FARP2: variants seen among roughly 807,000 people sequenced by gnomAD.
FARP2 encodes FERM, ARHGEF and pleckstrin domain-containing protein 2.
FARP2 carries 111 observed loss-of-function variants against 130.5 expected under a neutral mutation model. The ratio of observed to expected loss-of-function variants is 0.85; its 90% CI spans 0.73 to 1.00. FARP2 has a LOEUF of 1.00. Among genes scored for constraint, FARP2 ranks in the 50% least tolerant of loss-of-function variants. The pLI is 0.00. For missense variants in FARP2, 1,385 were observed against 1,346.3 expected (o/e 1.03, Z -0.45); for synonymous variants, 504 against 516.9 (o/e 0.98, Z 0.34).
At chr2:241,366,133 A>ATACG (rs2061313783) in intron 1 of FARP2, among the ~76,000 whole-genome samples, 2 of 136,672 alleles carry the variant, frequency 1.5e-5, no homozygotes, top group African/African-American at 2.8e-5. Context: ...GTATATATAT[A>ATACG]TATATACACA....
Position 241,482,635 on chromosome 2 carries a change from C to T in FARP2, c.2263-830C>T, listed in dbSNP as rs529229898. On this transcript the variant is annotated intron_variant, in intron 19 of 26. Transcript: ENST00000264042. This position sits in a 1 kb window ranked among gnomAD's most constrained non-coding sequence, Gnocchi z 4.6. ...TTTCTGTTTGGGCTGGTTTTTCATC[C>T]TGCGTTTCTGTGAGGATTATCTGTG... is the stretch of plus-strand genomic sequence containing the variant. Among the ~76,000 whole-genome samples the T allele has an allele frequency of 6.6e-6, 1 of 152,264 alleles. No individual in the cohort carries two copies. Among genetic ancestry groups the T allele is most frequent in the African/African-American group, 2.4e-5 (1 of 41,558 alleles).
intron 6 of FARP2, 23 bp from the exon 7 acceptor site, chr2:241,413,284 T>C: frequency 7.0e-7 from 1 of 1,422,338 alleles, no homozygotes; most frequent in African/African-American, 1.4e-5. Context: ...AAAAATTAGT[T>C]ACTTACTTTT....
Position 241,487,568 on chromosome 2 carries a change from T to C in FARP2, c.2422-2394T>C, listed in dbSNP as rs372014057. On this transcript the variant is annotated intron_variant, in intron 21 of 26. Coordinates refer to ENST00000264042, the MANE Select transcript of FARP2 (RefSeq NM_014808.4). ...CTGTAGTCCCAACTACTCGGGAGGC[T>C]AAGCACAAGAATCACTTGAACCTGG... Among the ~76,000 whole-genome samples, 46 of 105,204 alleles carry C rather than the reference T, an allele frequency of 4.4e-4. No homozygotes were observed. In the East Asian group the frequency reaches 5.1e-3, roughly 12 times the overall value. 69.0% of individuals were successfully genotyped at this position (105,204 alleles called of 152,430 possible).
In FARP2 at chr2:241,411,740, C is replaced by G. The variant is rs115986939; in HGVS notation, c.508+610C>G. On this transcript the variant is annotated intron_variant, in intron 6 of 26. Transcript: ENST00000264042. ...AGGTGGGACCACAGCTAGCACAGAA[C>G]TAATGTTTCTGAAATTTGAATCCAG... Among the ~76,000 whole-genome samples, 719 of 152,286 alleles carry G rather than the reference C, an allele frequency of 4.7e-3. 5 individuals are homozygous for G. Among genetic ancestry groups the G allele is most frequent in the African/African-American group, 0.016 (674 of 41,556 alleles).
intron 6 of FARP2, 124 bp from the exon 7 acceptor site, chr2:241,413,183 T>A: frequency 1.7e-6 from 1 of 604,268 alleles, no homozygotes; most frequent in Admixed American, 3.0e-5. Flanking sequence ...TCTTGCTTTT[T>A]TAGGGATATA....
At chr2:241,434,011 G>C in intron 9 of FARP2, 147 bp from the exon 10 acceptor site, 1 of 622,642 alleles carries the variant, frequency 1.6e-6, no homozygotes, top group Non-Finnish European at 2.7e-6. Flanking sequence ...ACTCCAGCCT[G>C]GGCACAGAGC....
At chr2:241,404,544 A>C (rs1433650171) in intron 3 of FARP2, among the ~76,000 whole-genome samples, 1 of 152,246 alleles carries the variant, frequency 6.6e-6, no homozygotes, top group Non-Finnish European at 1.5e-5. Context: ...CATTCTGCGC[A>C]TAGCAGCAAC....
chr2:241,366,122 C>T (rs13022462), intron 1 of FARP2, among the ~76,000 whole-genome samples: 1 of 63,726 alleles, frequency 1.6e-5, no homozygotes, highest in Non-Finnish European at 3.2e-5. Context: ...TATATATATA[C>T]GTATATATAT....
intron 14 of FARP2, among the ~76,000 whole-genome samples, chr2:241,458,980 G>A (rs2063941253): frequency 6.6e-6 from 1 of 152,244 alleles, no homozygotes; most frequent in Non-Finnish European, 1.5e-5. Context: ...GGCAGCCCTT[G>A]GGCCCAGCCC....
Position 241,436,468 on chromosome 2 carries a change from C to G in FARP2, c.1101-13C>G. 1 of 1,614,038 alleles carries G rather than the reference C, an allele frequency of 6.2e-7. No individual in the cohort carries two copies. ...AGGGCTTGGTTTCTCACAGCTCGTC[C>G]TCTGTTTTGCAGAAGGCACAGCAAG... On this transcript the variant is annotated splice_polypyrimidine_tract_variant and intron_variant, in intron 11 of 26. Coordinates refer to ENST00000264042, the MANE Select transcript of FARP2 (RefSeq NM_014808.4).
At chr2:241,408,004 A>G (rs967441824) in intron 5 of FARP2, among the ~76,000 whole-genome samples, 4 of 152,210 alleles carry the variant, frequency 2.6e-5, no homozygotes, top group African/African-American at 4.8e-5. Flanking sequence ...TTATGGATTT[A>G]TGGAGCAGAA....
At chr2:241,476,732 C>G (rs901822181) in intron 19 of FARP2, among the ~76,000 whole-genome samples, 1 of 152,060 alleles carries the variant, frequency 6.6e-6, no homozygotes, top group Non-Finnish European at 1.5e-5. Context: ...TACATATATA[C>G]ATACATACAC....
chr2:241,435,984 C>T lies in FARP2; in HGVS notation c.1101-497C>T, dbSNP rs1333622331. The stretch of plus-strand genomic sequence containing the variant: ...CTGGAGTGCAGTAGTGTGATCTCGG[C>T]TCACTGCAAGCTCCACCTCCTGGGT... On this transcript the variant is annotated intron_variant, in intron 11 of 26. Coordinates refer to ENST00000264042, the MANE Select transcript of FARP2 (RefSeq NM_014808.4). Among the ~76,000 whole-genome samples, 3 of 132,308 alleles carry T rather than the reference C, an allele frequency of 2.3e-5. No homozygotes were observed. In the East Asian group the frequency reaches 6.9e-4, roughly 30 times the overall value. The allele number at this position is 132,308 out of a possible 152,430, so 86.8% of individuals were successfully genotyped here. A position where few individuals can be genotyped will look rare whatever the true frequency, so the allele number is the denominator to read the frequency against.
chr2:241,431,860 G>A (rs1003376507), intron 9 of FARP2, 86 bp downstream of exon 9: 10 of 377,078 alleles, frequency 2.7e-5, no homozygotes, highest in South Asian at 7.2e-5. Flanking sequence ...CGCTCTTGTT[G>A]CCCAGGCTGG....
chr2:241,386,867 A>G (rs2061796265), intron 2 of FARP2: 1 of 152,252 alleles, frequency 6.6e-6, no homozygotes, highest in African/African-American at 2.4e-5. Flanking sequence ...TTTCAATAAC[A>G]CTTTTTCCTC....
chr2:241,488,963 C>T (rs1209386707), intron 21 of FARP2: 1 of 152,198 alleles, frequency 6.6e-6, no homozygotes, highest in Non-Finnish European at 1.5e-5. Context: ...AGATTCTTTG[C>T]TATTCTCAAG....
intron 2 of FARP2, among the ~76,000 whole-genome samples, chr2:241,377,071 T>G (rs536261472): frequency 2.0e-4 from 31 of 152,202 alleles, no homozygotes; most frequent in Non-Finnish European, 4.1e-4. Context: ...CAATTTTGTT[T>G]TGTTTTGGGG....
At chr2:241,363,274 C>T (rs976564188) in intron 1 of FARP2, among the ~76,000 whole-genome samples, 2 of 152,228 alleles carry the variant, frequency 1.3e-5, no homozygotes, top group Middle Eastern at 3.2e-3. Flanking sequence ...TCCTCTCCTC[C>T]ACTCAGCCCT....
At position 241,491,586 on chromosome 2, in the gene FARP2, G is replaced by T; in HGVS notation, c.2694G>T (p.Glu898Asp). The T allele has an allele frequency of 6.2e-7, 1 of 1,613,892 alleles. No homozygotes were observed. The highest frequency in any genetic ancestry group is 8.5e-7 in the Non-Finnish European group (1 of 1,180,008). ...DDARGVRSSL[E>D]GHGQHRANTT... ...CTCGGGGTGTCCGCAGCTCCCTGGA[G>T]GGGCATGGCCAGCACCGGGCCAACA... The change falls in exon 24 of 27, where the codon GAG (glutamate) becomes GAT (aspartate). Residue 898 changes from glutamate to aspartate, a missense_variant. Transcript: ENST00000264042.
Sources: gnomAD v4.1 joint callset for allele counts (sites outside exome capture counted in the v4.1 genomes callset) on GRCh38, gnomAD v4.1.1 for gene constraint, Gnocchi (gnomAD v3.1) non-coding constraint, MANE v1.5 for transcripts, NCBI Gene and HGNC (gene_info 2026-07-23, HGNC 2026-07-21) for gene names.